DAB1: variants seen among roughly 807,000 people sequenced by gnomAD.
DAB1 encodes DAB adaptor protein 1.
Under a neutral mutation model 64.6 loss-of-function variants are expected in DAB1, and 15 were observed. The ratio of observed to expected loss-of-function variants is 0.23; its 90% CI spans 0.16 to 0.36. DAB1 has a LOEUF of 0.36. Among genes scored for constraint, DAB1 ranks in the 10% least tolerant of loss-of-function variants. The pLI is 1.00. For synonymous variants in DAB1, 235 were observed against 251.9 expected (o/e 0.93, Z 0.64); for missense variants, 596 against 706.7 (o/e 0.84, Z 1.78).
At chr1:57,971,127 G>T (rs553858420) in intron 5 of DAB1, among the ~76,000 whole-genome samples, 8 of 152,312 alleles carry the variant, frequency 5.3e-5, no homozygotes, top group African/African-American at 1.9e-4. Context: ...AGGTCAGTTT[G>T]TCTAGGCATA....
intron 7 of DAB1, among the ~76,000 whole-genome samples, chr1:57,534,894 T>C (rs926266935): frequency 3.3e-5 from 5 of 152,186 alleles, no homozygotes; most frequent in Non-Finnish European, 7.3e-5. Context: ...TGCTGCAAAA[T>C]CATGTTACAA....
intron 7 of DAB1, among the ~76,000 whole-genome samples, chr1:57,447,193 C>T (rs1211958119): frequency 2.0e-5 from 3 of 152,124 alleles, no homozygotes; most frequent in East Asian, 3.9e-4. Flanking sequence ...TTTACATACC[C>T]GCTCCTCAAA....
chr1:58,068,286 G>A (rs780671359), intron 5 of DAB1, among the ~76,000 whole-genome samples: 1 of 152,172 alleles, frequency 6.6e-6, no homozygotes, highest in Non-Finnish European at 1.5e-5. Context: ...TCGTTCTGAG[G>A]TAGGAGGCTT....
chr1:57,638,589 T>C (rs1167491437), intron 7 of DAB1, among the ~76,000 whole-genome samples: 1 of 152,214 alleles, frequency 6.6e-6, no homozygotes, highest in African/African-American at 2.4e-5. Flanking sequence ...AAAGGTCTAA[T>C]GCTCAGGATT....
intron 14 of DAB1, among the ~76,000 whole-genome samples, chr1:57,000,455 C>T (rs909146518): frequency 6.6e-6 from 1 of 152,148 alleles, no homozygotes; most frequent in African/African-American, 2.4e-5. Context: ...GTTCTGATCC[C>T]TTTGTCCTAA....
At chr1:57,953,435 G>A (rs976759990) in intron 5 of DAB1, among the ~76,000 whole-genome samples, 5 of 152,318 alleles carry the variant, frequency 3.3e-5, no homozygotes, top group Non-Finnish European at 5.9e-5. Context: ...CTGAATGCTA[G>A]ATATAGGCAA....
chr1:58,313,699 C>T (rs554243830), intron 4 of DAB1, among the ~76,000 whole-genome samples: 8 of 152,106 alleles, frequency 5.3e-5, no homozygotes, highest in East Asian at 3.9e-4. Flanking sequence ...CTTAAGCAGC[C>T]GACATTTATT....
chr1:57,526,146 C>T (rs911650423), intron 7 of DAB1, among the ~76,000 whole-genome samples: 3 of 152,096 alleles, frequency 2.0e-5, no homozygotes, highest in African/African-American at 7.2e-5. Flanking sequence ...CCATGTTGGC[C>T]AGGCTGGTCT....
intron 9 of DAB1, among the ~76,000 whole-genome samples, chr1:57,038,223 G>A (rs1043430159): frequency 6.6e-6 from 1 of 152,156 alleles, no homozygotes; most frequent in Non-Finnish European, 1.5e-5. Flanking sequence ...TGGGAGAATT[G>A]ATTTTTTTGC....
At chr1:57,425,357 G>T (rs1028357506), upstream of DAB1, among the ~76,000 whole-genome samples, 3 of 151,070 alleles carry the variant, frequency 2.0e-5, no homozygotes, top group Non-Finnish European at 4.4e-5. Flanking sequence ...GTTTTGGGGT[G>T]TTTTTTTTTC....
chr1:57,634,370 C>T (rs1197083924), intron 7 of DAB1, among the ~76,000 whole-genome samples: 3 of 152,118 alleles, frequency 2.0e-5, no homozygotes, highest in Non-Finnish European at 2.9e-5. Context: ...AGTTATTGAA[C>T]CTTTCTAAGG....
At chr1:58,207,021 G>C (rs1052497408) in intron 4 of DAB1, among the ~76,000 whole-genome samples, 3 of 152,186 alleles carry the variant, frequency 2.0e-5, no homozygotes, top group Non-Finnish European at 4.4e-5. Flanking sequence ...TAGCCTAGTG[G>C]AGGATGAAGG....
At chr1:57,570,182 G>A (rs1270699336) in intron 7 of DAB1, among the ~76,000 whole-genome samples, 1 of 152,138 alleles carries the variant, frequency 6.6e-6, no homozygotes, top group Non-Finnish European at 1.5e-5. Context: ...TGCCAGCGAA[G>A]CTAGAATATA....
At chr1:57,787,075 A>G (rs1000507336) in intron 6 of DAB1, among the ~76,000 whole-genome samples, 4 of 152,208 alleles carry the variant, frequency 2.6e-5, no homozygotes, top group Non-Finnish European at 4.4e-5. Context: ...ATATATTAAC[A>G]TATCAATTAT....
rs373190887 is a variant in DAB1 at position 57,955,598 on chromosome 1, T to G, written n.388-71436A>C. On this transcript the variant is annotated intron_variant and non_coding_transcript_variant, in intron 5 of 20. Transcript: ENST00000485760. ...AAGAAAAGTGTAGAAGTTGGAATAATACGATATGCTTTTTACAAATAAGAC... is the reference window on the plus strand; with the variant it reads ...AAGAAAAGTGTAGAAGTTGGAATAAGACGATATGCTTTTTACAAATAAGAC... Among the ~76,000 whole-genome samples, 250 of 152,230 alleles carry G rather than the reference T, an allele frequency of 1.6e-3. 1 individual carries two copies. Among genetic ancestry groups the G allele is most frequent in the Middle Eastern group, 0.01 (3 of 294 alleles).
At chr1:57,915,388 A>T (rs1644711333) in intron 5 of DAB1, among the ~76,000 whole-genome samples, 1 of 151,956 alleles carries the variant, frequency 6.6e-6, no homozygotes, top group Admixed American at 6.6e-5. Context: ...AGAATCTCCA[A>T]CCTCTCCTGT....
intron 2 of DAB1, among the ~76,000 whole-genome samples, chr1:57,179,703 G>A (rs545376559): frequency 5.9e-5 from 9 of 152,126 alleles, no homozygotes; most frequent in African/African-American, 1.9e-4. Context: ...AAGCCATTGG[G>A]GAAACGGTGA....
rs1395302142 is a variant in DAB1 at position 57,913,656 on chromosome 1, C to A, written n.388-29494G>T. On this transcript the variant is annotated intron_variant and non_coding_transcript_variant, in intron 5 of 20. Coordinates refer to the DAB1 transcript ENST00000485760. ...AGAAACTACCATCAGAGTGAACAGG[C>A]AACCTACAGAATGGGAGAAAATTTT... 2.0e-5 allele frequency among the ~76,000 whole-genome samples: 3 copies of A among 152,122 alleles called. No individual in the cohort carries two copies. In the East Asian group the frequency reaches 5.8e-4, roughly 29 times the overall value.
intron 6 of DAB1, among the ~76,000 whole-genome samples, chr1:57,748,757 C>T (rs1469448627): frequency 1.5e-5 from 2 of 131,916 alleles, no homozygotes; most frequent in African/African-American, 5.8e-5. Context: ...GACTAGGTGG[C>T]TTCTTCTGAG....
Sources: gnomAD v4.1 joint callset for allele counts (sites outside exome capture counted in the v4.1 genomes callset) on GRCh38, gnomAD v4.1.1 for gene constraint, MANE v1.5 for transcripts, NCBI Gene and HGNC (gene_info 2026-07-23, HGNC 2026-07-21) for gene names.